The following CORIN variants were observed in gnomAD, a reference collection of about 807,000 sequenced individuals.
CORIN encodes atrial natriuretic peptide-converting enzyme.
Under a neutral mutation model 125.3 loss-of-function variants are expected in CORIN, and 117 were observed. The observed-to-expected ratio is 0.93, with a 90% CI of 0.80 to 1.09. CORIN has a LOEUF of 1.09. Among genes scored for constraint, CORIN ranks in the 50% least tolerant of loss-of-function variants. The pLI is 0.00. For synonymous variants in CORIN, 450 were observed against 466.4 expected (o/e 0.96, Z 0.45); for missense variants, 1,253 against 1,306.7 (o/e 0.96, Z 0.63).
At chr4:47,663,700 C>T (rs1206250904) in intron 11 of CORIN, among the ~76,000 whole-genome samples, 1 of 152,008 alleles carries the variant, frequency 6.6e-6, no homozygotes, top group Non-Finnish European at 1.5e-5. Flanking sequence ...AAGTCAAATG[C>T]CAGAAATTGT....
chr4:47,682,122 G>A (rs1247571112), intron 7 of CORIN: 1 of 152,206 alleles, frequency 6.6e-6, no homozygotes, highest in Admixed American at 6.5e-5. Context: ...GTTACTAGAG[G>A]CCAGAAGGGT....
At chr4:47,729,751 C>T (rs1477024507) in intron 5 of CORIN, among the ~76,000 whole-genome samples, 3 of 152,164 alleles carry the variant, frequency 2.0e-5, no homozygotes, top group Non-Finnish European at 4.4e-5. Context: ...GCCCACCACA[C>T]CCCTCATCCT....
chr4:47,749,687 CT>C (rs995579722), intron 4 of CORIN, among the ~76,000 whole-genome samples: 2 of 152,196 alleles, frequency 1.3e-5, no homozygotes, highest in African/African-American at 4.8e-5. Flanking sequence ...AACTAATACA[CT>C]TTTCTTGACA....
At chr4:47,621,977 C>A (rs1354347984) in intron 19 of CORIN, among the ~76,000 whole-genome samples, 1 of 134,708 alleles carries the variant, frequency 7.4e-6, no homozygotes, top group African/African-American at 2.7e-5. Flanking sequence ...TTAGGTATAT[C>A]TCCCAATGCT....
chr4:47,796,004 C>T (rs899372873), intron 2 of CORIN, among the ~76,000 whole-genome samples: 1 of 152,018 alleles, frequency 6.6e-6, no homozygotes, highest in African/African-American at 2.4e-5. Context: ...AACCCTTGTA[C>T]ACTGTTAGTA....
At chr4:47,653,296 C>G (rs1723817773) in intron 13 of CORIN, among the ~76,000 whole-genome samples, 1 of 152,082 alleles carries the variant, frequency 6.6e-6, no homozygotes, top group Non-Finnish European at 1.5e-5. Context: ...ACTGGGGGTC[C>G]TGGAACATAT....
chr4:47,612,675 G>A (rs1721917216), intron 19 of CORIN, among the ~76,000 whole-genome samples: 1 of 152,152 alleles, frequency 6.6e-6, no homozygotes. Context: ...CTGGTCCTTT[G>A]AACCTGCTAC....
At chr4:47,600,579 G>A (rs1474212550) in intron 20 of CORIN, among the ~76,000 whole-genome samples, 2 of 152,064 alleles carry the variant, frequency 1.3e-5, no homozygotes, top group East Asian at 1.9e-4. Flanking sequence ...TTTTATTAAT[G>A]GGTAAACCAA....
chr4:47,624,015 AC>A, intron 17 of CORIN, 67 bp from the exon 18 acceptor site: 2 of 1,365,356 alleles, frequency 1.5e-6, no homozygotes, highest in Non-Finnish European at 2.1e-6. Flanking sequence ...CAAACACTTT[AC>A]CAGTGAAATA....
rs556803524 is a variant in CORIN, at chr4:47,697,331, T to A, written c.800-4248A>T. Among the ~76,000 whole-genome samples the A allele has an allele frequency of 1.6e-4, 24 of 151,938 alleles. No homozygotes were observed. In the East Asian group the frequency reaches 3.9e-3, roughly 24 times the overall value. ...GACTTTACCCTGCCTTCTGAGGAGGTGAGTCATATTAGATGGAAGGCCCTT... is the reference window on the plus strand; with the variant it reads ...GACTTTACCCTGCCTTCTGAGGAGGAGAGTCATATTAGATGGAAGGCCCTT... On this transcript the variant is annotated intron_variant, in intron 5 of 21. Transcript: ENST00000273857.
At chr4:47,629,053 C>T (rs1029405027) in intron 16 of CORIN, among the ~76,000 whole-genome samples, 20 of 151,938 alleles carry the variant, frequency 1.3e-4, no homozygotes, top group African/African-American at 4.8e-4. Flanking sequence ...AGATATATAC[C>T]CAGAAGTGGG....
rs757500241 is a variant in CORIN, at chr4:47,693,086, A to G, written c.800-3T>C. On this transcript the variant is annotated splice_region_variant and splice_polypyrimidine_tract_variant and intron_variant, in intron 5 of 21. Transcript: ENST00000273857. ...GTTCTCACCCCTTCCACAGAGCACT[A>G]AAAAAAAAGGGCAGGAAATAATGTC... The G allele has an allele frequency of 1.5e-5, 22 of 1,475,778 alleles. No individual in the cohort carries two copies. In the African/African-American group the frequency reaches 2.4e-4, roughly 16 times the overall value. The allele number at this position is 1,475,778 out of a possible 1,614,324, so 91.4% of individuals were successfully genotyped here.
chr4:47,757,794 T>G (rs1022613776), intron 4 of CORIN, among the ~76,000 whole-genome samples: 3 of 144,374 alleles, frequency 2.1e-5, no homozygotes, highest in Non-Finnish European at 3.0e-5. Context: ...AACTAAAAAT[T>G]TACAGCTAAC....
chr4:47,667,315 A>C (rs1223396431), intron 10 of CORIN, among the ~76,000 whole-genome samples: 7 of 151,912 alleles, frequency 4.6e-5, no homozygotes, highest in Admixed American at 3.9e-4. Flanking sequence ...ACAGACTAAC[A>C]CTCCTTCCAA....
intron 1 of CORIN, among the ~76,000 whole-genome samples, chr4:47,810,749 AT>A (rs1259454303): frequency 6.6e-6 from 1 of 152,094 alleles, no homozygotes; most frequent in African/African-American, 2.4e-5. Flanking sequence ...TCACCCACAC[AT>A]TTAACTTCAA....
chr4:47,722,342 T>G (rs934550655), intron 5 of CORIN, among the ~76,000 whole-genome samples: 2 of 152,218 alleles, frequency 1.3e-5, no homozygotes, highest in South Asian at 4.1e-4. Flanking sequence ...CTCTTTTCTA[T>G]CATTGCCTAT....
chr4:47,674,615 T>C, intron 9 of CORIN, 115 bp from the exon 10 acceptor site: 1 of 692,734 alleles, frequency 1.4e-6, no homozygotes, highest in Non-Finnish European at 2.6e-6. Flanking sequence ...TTTAATTTCC[T>C]TCCAATTTCT....
intron 5 of CORIN, among the ~76,000 whole-genome samples, chr4:47,708,592 G>A (rs907586096): frequency 3.9e-5 from 6 of 152,238 alleles, no homozygotes; most frequent in South Asian, 2.1e-4. Context: ...TACCACAGGT[G>A]CCTTAATATC....
chr4:47,705,127 G>C (rs1351693321), intron 5 of CORIN, among the ~76,000 whole-genome samples: 1 of 152,186 alleles, frequency 6.6e-6, no homozygotes, highest in Non-Finnish European at 1.5e-5. Flanking sequence ...CACAGTTTAT[G>C]CCTACTCCTA....
Sources: allele counts gnomAD v4.1 joint callset (sites outside exome capture counted in the v4.1 genomes callset), GRCh38; gene constraint gnomAD v4.1.1; transcripts MANE v1.5; gene names NCBI Gene and HGNC (gene_info 2026-07-23, HGNC 2026-07-21).